The following GRM5 variants were observed in gnomAD, a reference collection of about 807,000 sequenced individuals.
GRM5 encodes the protein glutamate metabotropic receptor 5, also known as metabotropic glutamate receptor 5.
GRM5 carries 19 observed loss-of-function variants against 83.1 expected under a neutral mutation model. The ratio of observed to expected loss-of-function variants is 0.23; its 90% CI spans 0.16 to 0.34. The LOEUF is 0.34. GRM5 is among the 10% of genes least tolerant of loss of function. The pLI is 1.00. For missense variants in GRM5, 1,160 were observed against 1,588.3 expected (o/e 0.73, Z 4.58); for synonymous variants, 675 against 633.6 (o/e 1.07, Z -0.98).
intron 2 of GRM5, among the ~76,000 whole-genome samples, chr11:88,970,407 C>G (rs1243767218): frequency 1.3e-5 from 2 of 152,100 alleles, no homozygotes; most frequent in African/African-American, 4.8e-5. Context: ...ATAGCTTCTT[C>G]TTAAACGTCT....
intron 3 of GRM5, among the ~76,000 whole-genome samples, chr11:88,837,281 G>C (rs534008143): frequency 2.6e-5 from 4 of 152,226 alleles, no homozygotes; most frequent in Non-Finnish European, 4.4e-5. Context: ...AATGGTTTAG[G>C]ATACAGGTTA....
chr11:88,714,027 T>C (rs191589890), intron 3 of GRM5, among the ~76,000 whole-genome samples: 48 of 152,172 alleles, frequency 3.2e-4, no homozygotes, highest in African/African-American at 8.2e-4. Context: ...AAGAATCTTT[T>C]TGAGTTCAAA....
chr11:88,916,557 G>C (rs1376983396), intron 2 of GRM5, among the ~76,000 whole-genome samples: 1 of 152,096 alleles, frequency 6.6e-6, no homozygotes, highest in African/African-American at 2.4e-5. Flanking sequence ...ATTGCCCTGA[G>C]ATCCTAAATA....
chr11:89,055,717 A>G, intron 1 of GRM5, among the ~76,000 whole-genome samples: 1 of 151,916 alleles, frequency 6.6e-6, no homozygotes, highest in East Asian at 1.9e-4. Flanking sequence ...AATCTCTCTC[A>G]TAATATATTT....
At chr11:88,961,857 C>T (rs759409515) in intron 2 of GRM5, among the ~76,000 whole-genome samples, 5 of 152,098 alleles carry the variant, frequency 3.3e-5, no homozygotes, top group East Asian at 1.9e-4. Context: ...CATGTACACC[C>T]GGTGATCAGT....
At chr11:88,897,935 G>C (rs1404977737) in intron 2 of GRM5, among the ~76,000 whole-genome samples, 1 of 151,936 alleles carries the variant, frequency 6.6e-6, no homozygotes, top group Non-Finnish European at 1.5e-5. Context: ...CCCCATGTTT[G>C]ACCAACTTTG....
chr11:88,872,079 G>A (rs967828771), intron 2 of GRM5, among the ~76,000 whole-genome samples: 4 of 151,416 alleles, frequency 2.6e-5, no homozygotes, highest in Non-Finnish European at 3.0e-5. Flanking sequence ...CATTTTTAGT[G>A]AGAAACAAAA....
At chr11:88,531,368 C>G (rs568102699) in intron 8 of GRM5, among the ~76,000 whole-genome samples, 2 of 152,002 alleles carry the variant, frequency 1.3e-5, no homozygotes, top group Non-Finnish European at 2.9e-5. Context: ...GACAGGGACT[C>G]TATATGGTTT....
intron 2 of GRM5, among the ~76,000 whole-genome samples, chr11:88,999,117 C>A (rs530830387): frequency 6.6e-6 from 1 of 152,212 alleles, no homozygotes; most frequent in Non-Finnish European, 1.5e-5. Context: ...ACATGTTAGA[C>A]CTAAAACCAT....
chr11:88,987,827 C>G (rs1339513272), intron 2 of GRM5, among the ~76,000 whole-genome samples: 1 of 150,776 alleles, frequency 6.6e-6, no homozygotes, highest in Non-Finnish European at 1.5e-5. Context: ...AACTAACAAA[C>G]AGAAAGGACA....
chr11:88,733,921 TTTCTTGCTGA>T (rs1941858107), intron 3 of GRM5, among the ~76,000 whole-genome samples: 1 of 151,870 alleles, frequency 6.6e-6, no homozygotes, highest in East Asian at 1.9e-4. Flanking sequence ...ACCTTAGAGG[TTTCTTGCTGA>T]TTCTAGATCA....
intron 3 of GRM5, among the ~76,000 whole-genome samples, chr11:88,654,307 TAAAAA>T (rs1472722035): frequency 6.6e-6 from 1 of 151,972 alleles, no homozygotes; most frequent in Non-Finnish European, 1.5e-5. Context: ...GTATTGGAAA[TAAAAA>T]TAAAAGGCAT....
chr11:88,827,087 C>T (rs941515023), intron 3 of GRM5, among the ~76,000 whole-genome samples: 1 of 152,090 alleles, frequency 6.6e-6, no homozygotes, highest in Non-Finnish European at 1.5e-5. Context: ...GCAATTTGTA[C>T]AAATGACAAA....
chr11:88,961,943 T>C (rs2134986423), intron 2 of GRM5, among the ~76,000 whole-genome samples: 1 of 152,326 alleles, frequency 6.6e-6, no homozygotes, highest in East Asian at 1.9e-4. Flanking sequence ...AGTTACTGTT[T>C]ATGGAGCACA....
At chr11:88,613,159 G>A (rs964103950) in intron 4 of GRM5, among the ~76,000 whole-genome samples, 1 of 152,150 alleles carries the variant, frequency 6.6e-6, no homozygotes, top group Admixed American at 6.6e-5. Context: ...CAGACGAGAA[G>A]AATGTATATT....
intron 2 of GRM5, among the ~76,000 whole-genome samples, chr11:89,001,549 G>A (rs553911427): frequency 5.3e-5 from 8 of 152,204 alleles, no homozygotes; most frequent in South Asian, 4.1e-4. Context: ...GGTCAGGGAC[G>A]TAGTGGGTAG....
chr11:88,957,033 G>T (rs1938639126), intron 2 of GRM5, among the ~76,000 whole-genome samples: 1 of 152,174 alleles, frequency 6.6e-6, no homozygotes, highest in African/African-American at 2.4e-5. Context: ...AATAATAATT[G>T]CAGTTCAAGG....
chr11:88,593,774 C>A (rs1265326035), intron 6 of GRM5, among the ~76,000 whole-genome samples: 1 of 99,450 alleles, frequency 1.0e-5, no homozygotes, highest in Non-Finnish European at 2.7e-5. Context: ...CTCTCTCTCT[C>A]TCTCTCTCTC....
chr11:88,795,523 A>G (rs1423081335), intron 3 of GRM5, among the ~76,000 whole-genome samples: 1 of 152,218 alleles, frequency 6.6e-6, no homozygotes, highest in African/African-American at 2.4e-5. Context: ...ATTTGAAGGT[A>G]TCTGTGAAGC....
Sources: allele counts gnomAD v4.1 joint callset (sites outside exome capture counted in the v4.1 genomes callset), GRCh38; gene constraint gnomAD v4.1.1; transcripts MANE v1.5; gene names NCBI Gene and HGNC (gene_info 2026-07-23, HGNC 2026-07-21).